The following GNG12 variants were observed in gnomAD, a reference collection of about 807,000 sequenced individuals.
GNG12 encodes the protein G protein subunit gamma 12, also known as guanine nucleotide-binding protein G(I)/G(S)/G(O) subunit gamma-12.
For missense variants in GNG12, 69 were observed against 83.8 expected (o/e 0.82, Z 0.69); for synonymous variants, 28 against 29.7 (o/e 0.94, Z 0.19).
chr1:67,823,626 C>T (rs12078702), intron 1 of GNG12, among the ~76,000 whole-genome samples: 1,926 of 152,294 alleles, frequency 0.013, 16 homozygotes, highest in Admixed American at 0.017. Context: ...TCTAAATTAC[C>T]GTTGTGCAGA....
At chr1:67,806,851 C>T (rs1646896836) in intron 1 of GNG12, among the ~76,000 whole-genome samples, 1 of 152,106 alleles carries the variant, frequency 6.6e-6, no homozygotes, top group African/African-American at 2.4e-5. Context: ...TTTCAATGCC[C>T]TTCTATCAGA....
intron 2 of GNG12, among the ~76,000 whole-genome samples, chr1:67,738,819 T>C (rs937337478): frequency 1.3e-4 from 20 of 152,192 alleles, no homozygotes; most frequent in African/African-American, 4.8e-4. Flanking sequence ...TTCAAGGTTA[T>C]AGTGAAGTAT....
At chr1:67,816,217 C>A (rs1401712285) in intron 1 of GNG12, among the ~76,000 whole-genome samples, 1 of 152,074 alleles carries the variant, frequency 6.6e-6, no homozygotes, top group Non-Finnish European at 1.5e-5. Context: ...AAGTTTAGGT[C>A]AGAGTCCTTA....
Position 67,701,763 on chromosome 1 carries a change from T to A in GNG12, c.*3688A>T, listed in dbSNP as rs142110058. The stretch of plus-strand genomic sequence containing the variant: ...AATTTACTAAGACATCAAGAGAATA[T>A]CTGTTTGTAGTTACATGGCTAAAAA... On this transcript the variant is annotated 3_prime_UTR_variant, in exon 4 of 4. Transcript: ENST00000370982. 2 of 152,742 alleles carry A rather than the reference T, an allele frequency of 1.3e-5. No individual in the cohort carries two copies. The highest frequency in any genetic ancestry group is 2.4e-5 in the African/African-American group (1 of 41,566). 9.5% of individuals were successfully genotyped at this position (152,742 alleles called of 1,614,324 possible).
chr1:67,705,603 A>G, intron 3 of GNG12, 27 bp from the exon 4 acceptor site: 14 of 1,590,378 alleles, frequency 8.8e-6, no homozygotes, highest in Non-Finnish European at 1.0e-5. Flanking sequence ...TCAAACAAAC[A>G]AGAAAGAAAA....
chr1:67,788,717 T>G (rs897802286), intron 1 of GNG12, among the ~76,000 whole-genome samples: 2 of 152,208 alleles, frequency 1.3e-5, no homozygotes, highest in African/African-American at 4.8e-5. Context: ...ATACACATTT[T>G]CATGTATCTT....
intron 2 of GNG12, among the ~76,000 whole-genome samples, chr1:67,741,281 T>C (rs1355879640): frequency 6.6e-6 from 1 of 152,262 alleles, no homozygotes; most frequent in East Asian, 1.9e-4. Flanking sequence ...TCAGAGTTCC[T>C]GGCCATTCTG....
intron 2 of GNG12, among the ~76,000 whole-genome samples, chr1:67,708,196 A>G (rs1646261259): frequency 6.6e-6 from 1 of 152,240 alleles, no homozygotes; most frequent in South Asian, 2.1e-4. Context: ...AGAAAATGAG[A>G]AGAGAGCTCC....
chr1:67,818,423 T>G (rs1003237656), intron 1 of GNG12, among the ~76,000 whole-genome samples: 2 of 146,650 alleles, frequency 1.4e-5, no homozygotes, highest in Non-Finnish European at 3.0e-5. Context: ...GTTTTTTTTT[T>G]TTTTTTTTTT....
chr1:67,768,897 C>A (rs780112374), intron 2 of GNG12, among the ~76,000 whole-genome samples: 19 of 152,126 alleles, frequency 1.2e-4, no homozygotes, highest in African/African-American at 4.3e-4. Flanking sequence ...TGCTTTTAGG[C>A]CAAGAGAATA....
At chr1:67,826,101 T>A (rs1304585307) in intron 1 of GNG12, among the ~76,000 whole-genome samples, 1 of 151,944 alleles carries the variant, frequency 6.6e-6, no homozygotes, top group East Asian at 1.9e-4. Context: ...TGTTTCCCAA[T>A]AAAGCCTGAC....
At chr1:67,745,754 T>A (rs887229949) in intron 2 of GNG12, among the ~76,000 whole-genome samples, 1 of 152,102 alleles carries the variant, frequency 6.6e-6, no homozygotes, top group Non-Finnish European at 1.5e-5. Flanking sequence ...ATCTAAAAAA[T>A]AAATAAATAC....
intron 1 of GNG12, among the ~76,000 whole-genome samples, chr1:67,821,280 G>A (rs915446326): frequency 1.3e-5 from 2 of 152,076 alleles, no homozygotes; most frequent in African/African-American, 4.8e-5. Context: ...AATCAAAGGA[G>A]CCCTTAAAAA....
At chr1:67,798,339 A>T (rs970325740) in intron 1 of GNG12, among the ~76,000 whole-genome samples, 35 of 152,242 alleles carry the variant, frequency 2.3e-4, no homozygotes, top group African/African-American at 7.5e-4. Flanking sequence ...ACTCCTGATG[A>T]TCTGAGGTGG....
At chr1:67,786,937 G>GTA (rs1440561204) in intron 1 of GNG12, among the ~76,000 whole-genome samples, 44 of 28,868 alleles carry the variant, frequency 1.5e-3, no homozygotes, top group African/African-American at 3.9e-3. Flanking sequence ...ATATATATAT[G>GTA]TGTGTGTGTG....
At position 67,747,374 on chromosome 1, in the gene GNG12, C is replaced by T. The variant is rs111628545; in HGVS notation, c.-27+30084G>A. On this transcript the variant is annotated intron_variant, in intron 2 of 3. Coordinates refer to ENST00000370982, the MANE Select transcript of GNG12 (RefSeq NM_018841.6). The stretch of plus-strand genomic sequence containing the variant: ...ACCTCAAGTGATCTGCCCGCCTCAG[C>T]CTCTGGAAGTGCTGGGATTACAGGC... Among the ~76,000 whole-genome samples the T allele has an allele frequency of 4.9e-3, 748 of 152,268 alleles. 5 individuals carry two copies. The highest frequency in any genetic ancestry group is 0.017 in the African/African-American group (690 of 41,542).
Position 67,727,574 on chromosome 1 carries a change from A to G in GNG12, c.-26-19862T>C, listed in dbSNP as rs142938099. Among the ~76,000 whole-genome samples, 608 of 152,306 alleles carry G rather than the reference A, an allele frequency of 4.0e-3. 6 individuals carry two copies. Among genetic ancestry groups the G allele is most frequent in the African/African-American group, 0.013 (558 of 41,566 alleles). On this transcript the variant is annotated intron_variant, in intron 2 of 3. Coordinates refer to ENST00000370982, the MANE Select transcript of GNG12 (RefSeq NM_018841.6). ...GGATGCATGTGCCTTCATGAGCTGGAGGGCTTTATAACTGAAAACGATTCC... is the reference window on the plus strand; with the variant it reads ...GGATGCATGTGCCTTCATGAGCTGGGGGGCTTTATAACTGAAAACGATTCC...
chr1:67,795,630 A>G (rs936488060), intron 1 of GNG12, among the ~76,000 whole-genome samples: 7 of 152,236 alleles, frequency 4.6e-5, no homozygotes, highest in Admixed American at 4.6e-4. Context: ...AAGGTGTTTA[A>G]TAAGCTGCTG....
At chr1:67,779,043 G>A (rs1338677390) in intron 1 of GNG12, among the ~76,000 whole-genome samples, 1 of 152,152 alleles carries the variant, frequency 6.6e-6, no homozygotes, top group African/African-American at 2.4e-5. Context: ...AGGTTAATGT[G>A]AGGTCCATGG....
Sources: gnomAD v4.1 joint callset for allele counts (sites outside exome capture counted in the v4.1 genomes callset) on GRCh38, gnomAD v4.1.1 for gene constraint, MANE v1.5 for transcripts, NCBI Gene and HGNC (gene_info 2026-07-23, HGNC 2026-07-21) for gene names.